Variants in PCSK5 observed in about 807,000 individuals in gnomAD.
The protein encoded by PCSK5 is prohormone convertase 5.
A neutral mutation model predicts 233.2 loss-of-function variants in PCSK5; 129 were observed. The ratio of observed to expected loss-of-function variants is 0.55; its 90% CI spans 0.48 to 0.64. The LOEUF (loss-of-function observed/expected upper bound fraction) is 0.64. Among genes scored for constraint, PCSK5 ranks in the 30% least tolerant of loss-of-function variants. The pLI is 0.00. For synonymous variants in PCSK5, 825 were observed against 879.2 expected (o/e 0.94, Z 1.09); for missense variants, 2,076 against 2,430.1 (o/e 0.85, Z 3.06).
chr9:75,983,831 A>G (rs1453544357), intron 2 of PCSK5, among the ~76,000 whole-genome samples: 1 of 152,208 alleles, frequency 6.6e-6, no homozygotes, highest in Non-Finnish European at 1.5e-5. Flanking sequence ...TCAAGGATAG[A>G]CATATGGATA....
At chr9:76,271,201 G>A (rs1256649408) in intron 24 of PCSK5, among the ~76,000 whole-genome samples, 1 of 152,068 alleles carries the variant, frequency 6.6e-6, no homozygotes, top group African/African-American at 2.4e-5. Flanking sequence ...AGCATTAAGG[G>A]AGAAAGGAGA....
At chr9:75,991,910 C>A (rs1826783174) in intron 3 of PCSK5, among the ~76,000 whole-genome samples, 1 of 151,786 alleles carries the variant, frequency 6.6e-6, no homozygotes, top group African/African-American at 2.4e-5. Context: ...ATAGCGAGAT[C>A]CCCTCTCTCT....
intron 8 of PCSK5, among the ~76,000 whole-genome samples, chr9:76,105,950 T>G (rs956210155): frequency 6.6e-6 from 1 of 152,252 alleles, no homozygotes; most frequent in Admixed American, 6.5e-5. Flanking sequence ...CTTAGACATA[T>G]TCATGTGACA....
chr9:76,070,342 C>T (rs567286763), intron 6 of PCSK5, among the ~76,000 whole-genome samples: 65 of 152,260 alleles, frequency 4.3e-4, no homozygotes, highest in African/African-American at 1.5e-3. Flanking sequence ...TCATTCTCCA[C>T]CTCTCCTGTT....
chr9:76,003,633 GA>G (rs1229448149), intron 3 of PCSK5, among the ~76,000 whole-genome samples: 1 of 152,154 alleles, frequency 6.6e-6, no homozygotes, highest in Non-Finnish European at 1.5e-5. Context: ...CATCTCCTAA[GA>G]ACAACATTCT....
At chr9:76,204,729 C>A (rs1587755891) in intron 20 of PCSK5, among the ~76,000 whole-genome samples, 1 of 152,142 alleles carries the variant, frequency 6.6e-6, no homozygotes, top group Admixed American at 6.5e-5. Flanking sequence ...CAGTTGCTGG[C>A]ACAAATACTA....
intron 30 of PCSK5, among the ~76,000 whole-genome samples, chr9:76,319,931 C>T (rs565360692): frequency 6.6e-6 from 1 of 152,282 alleles, no homozygotes; most frequent in African/African-American, 2.4e-5. Flanking sequence ...TTCTCTGCTT[C>T]GGCTACCTAA....
At chr9:75,970,217 C>T (rs1011925816) in intron 2 of PCSK5, among the ~76,000 whole-genome samples, 24 of 152,248 alleles carry the variant, frequency 1.6e-4, no homozygotes, top group Middle Eastern at 3.4e-3. Flanking sequence ...CCTTCTTTTG[C>T]CTCATCTTGT....
chr9:76,228,355 C>T (rs1162413928), intron 21 of PCSK5, among the ~76,000 whole-genome samples: 1 of 152,168 alleles, frequency 6.6e-6, no homozygotes, highest in African/African-American at 2.4e-5. Context: ...CAAAAATTAA[C>T]CATTTTTATG....
At chr9:76,175,802 G>A (rs946985616) in intron 14 of PCSK5, among the ~76,000 whole-genome samples, 1 of 152,170 alleles carries the variant, frequency 6.6e-6, no homozygotes, top group African/African-American at 2.4e-5. Flanking sequence ...TTTTAAAAGT[G>A]TTATAGCTTT....
At chr9:76,199,441 T>A (rs1332225083) in intron 20 of PCSK5, among the ~76,000 whole-genome samples, 2 of 152,196 alleles carry the variant, frequency 1.3e-5, no homozygotes, top group Non-Finnish European at 2.9e-5. Flanking sequence ...TAATGTAGAA[T>A]AAAGGTGAAT....
At chr9:75,982,702 A>G (rs545494336) in intron 2 of PCSK5, among the ~76,000 whole-genome samples, 13 of 148,788 alleles carry the variant, frequency 8.7e-5, no homozygotes, top group African/African-American at 3.2e-4. Flanking sequence ...TGTTATGGTA[A>G]GAGCTATACA....
intron 20 of PCSK5, among the ~76,000 whole-genome samples, chr9:76,198,085 A>G (rs931264669): frequency 1.6e-4 from 24 of 152,252 alleles, no homozygotes; most frequent in African/African-American, 5.8e-4. Flanking sequence ...GCAGTTATGC[A>G]GCCTCACTAC....
intron 1 of PCSK5, among the ~76,000 whole-genome samples, chr9:75,931,462 A>G (rs1253059647): frequency 6.6e-6 from 1 of 152,184 alleles, no homozygotes; most frequent in Non-Finnish European, 1.5e-5. Context: ...GTCCAATTTT[A>G]TAGAAAAGGA....
chr9:75,915,284 A>C (rs1486283977), intron 1 of PCSK5, among the ~76,000 whole-genome samples: 3 of 152,154 alleles, frequency 2.0e-5, no homozygotes, highest in Admixed American at 6.5e-5. Context: ...GATGAGGAGT[A>C]AGTTGCTGCA....
chr9:76,315,927 G>C (rs1462849704), intron 30 of PCSK5, among the ~76,000 whole-genome samples: 1 of 128,562 alleles, frequency 7.8e-6, no homozygotes, highest in Non-Finnish European at 1.7e-5. Context: ...CCACTTCAAG[G>C]GTTTTTTTTT....
intron 20 of PCSK5, among the ~76,000 whole-genome samples, chr9:76,190,143 A>C (rs1824301316): frequency 6.6e-6 from 1 of 152,158 alleles, no homozygotes; most frequent in Non-Finnish European, 1.5e-5. Flanking sequence ...CAGTTGATAA[A>C]CCTACAGTGA....
At chr9:76,213,462 C>T (rs1276093317) in intron 20 of PCSK5, among the ~76,000 whole-genome samples, 1 of 152,112 alleles carries the variant, frequency 6.6e-6, no homozygotes, top group African/African-American at 2.4e-5. Context: ...AGCCATCTGT[C>T]CCTGAGATCT....
chr9:76,321,844 C>A (rs1158078655), intron 31 of PCSK5, among the ~76,000 whole-genome samples: 1 of 152,124 alleles, frequency 6.6e-6, no homozygotes, highest in Non-Finnish European at 1.5e-5. Flanking sequence ...CAAGCAAGAG[C>A]CCCTTTTTGC....
Sources: gnomAD v4.1 joint callset for allele counts (sites outside exome capture counted in the v4.1 genomes callset) on GRCh38, gnomAD v4.1.1 for gene constraint, MANE v1.5 for transcripts, NCBI Gene and HGNC (gene_info 2026-07-23, HGNC 2026-07-21) for gene names.